Variants in FAM184A observed in about 807,000 individuals in gnomAD.
FAM184A encodes the protein protein FAM184A.
In FAM184A, 99 loss-of-function variants were observed where a neutral mutation model predicts 143.8. The observed-to-expected ratio is 0.69, with a 90% CI of 0.58 to 0.81. FAM184A has a LOEUF of 0.81. FAM184A is among the 40% of genes least tolerant of loss of function. FAM184A has a pLI of 0.00. For synonymous variants in FAM184A, 427 were observed against 446.4 expected, an observed-to-expected ratio of 0.96 and a Z score of 0.55; for missense variants, 1,217 against 1,310.5, an observed-to-expected ratio of 0.93 and a Z score of 1.10.
At chr6:118,994,587 G>C (rs1173318103) in intron 9 of FAM184A, among the ~76,000 whole-genome samples, 3 of 151,950 alleles carry the variant, frequency 2.0e-5, no homozygotes, top group Non-Finnish European at 4.4e-5. Context: ...TTGGGAGGCT[G>C]AGGCAGGAGA....
chr6:119,111,088 C>A (rs1428607983), intron 1 of FAM184A, among the ~76,000 whole-genome samples: 1 of 152,134 alleles, frequency 6.6e-6, no homozygotes, highest in Non-Finnish European at 1.5e-5. Flanking sequence ...TTCATAGCAA[C>A]ATTATTTATA....
chr6:119,138,594 TTATTATTA>T (rs1772100593), intron 1 of FAM184A, among the ~76,000 whole-genome samples: 1 of 90 alleles, frequency 0.011, no homozygotes, highest in Admixed American at 0.1. Context: ...GCTCTTTCAC[TTATTATTA>T]TTATTATTAT....
At chr6:119,036,188 A>G (rs1017250890) in intron 1 of FAM184A, among the ~76,000 whole-genome samples, 2 of 147,804 alleles carry the variant, frequency 1.4e-5, no homozygotes, top group African/African-American at 5.0e-5. Context: ...TAAATGATTC[A>G]CGTCTTTTTT....
At chr6:119,093,089 G>C (rs973433411) in intron 1 of FAM184A, among the ~76,000 whole-genome samples, 3 of 152,046 alleles carry the variant, frequency 2.0e-5, no homozygotes, top group African/African-American at 7.2e-5. Context: ...ACCCTAGAAG[G>C]CTCAATTCTG....
At chr6:119,076,174 A>G (rs1027761812) in intron 1 of FAM184A, among the ~76,000 whole-genome samples, 2 of 152,198 alleles carry the variant, frequency 1.3e-5, no homozygotes, top group African/African-American at 4.8e-5. Context: ...GCTGCCAAAC[A>G]TCCTATAATG....
intron 8 of FAM184A, 141 bp downstream of exon 8, chr6:119,003,360 C>A: frequency 2.4e-6 from 2 of 850,316 alleles, no homozygotes; most frequent in East Asian, 3.0e-5. Context: ...AAAATAAATC[C>A]AATTTCTCTG....
At chr6:119,076,321 A>G (rs1787870622) in intron 1 of FAM184A, among the ~76,000 whole-genome samples, 1 of 152,218 alleles carries the variant, frequency 6.6e-6, no homozygotes, top group Non-Finnish European at 1.5e-5. Context: ...GACTGTAACT[A>G]CAAACACAAA....
In FAM184A at chr6:119,090,000, A is replaced by C. The variant is rs558268929; in HGVS notation, c.-202+59078T>G. Among the ~76,000 whole-genome samples the C allele has an allele frequency of 2.5e-3, 386 of 152,288 alleles. 4 individuals are homozygous for C. The highest frequency in any genetic ancestry group is 8.6e-3 in the African/African-American group (359 of 41,566). The stretch of plus-strand genomic sequence containing the variant: ...ATTTTTAGTTAACTTCATTTTCTCA[A>C]CCAACACTATCATTAGCTTTTTCTC... On this transcript the variant is annotated intron_variant, in intron 1 of 16. Coordinates refer to the FAM184A transcript ENST00000352896.
At chr6:119,085,389 A>G (rs941382352) in intron 1 of FAM184A, among the ~76,000 whole-genome samples, 2 of 152,190 alleles carry the variant, frequency 1.3e-5, no homozygotes, top group African/African-American at 2.4e-5. Flanking sequence ...CAACCAAATT[A>G]TTTGCTAAGG....
intron 1 of FAM184A, among the ~76,000 whole-genome samples, chr6:119,107,144 T>C (rs565379489): frequency 6.6e-5 from 10 of 152,230 alleles, no homozygotes; most frequent in African/African-American, 1.9e-4. Flanking sequence ...ATAAGCTGCA[T>C]ATGAAAATAG....
At chr6:119,136,818 T>C (rs1048505719) in intron 1 of FAM184A, among the ~76,000 whole-genome samples, 4 of 152,214 alleles carry the variant, frequency 2.6e-5, no homozygotes, top group Non-Finnish European at 4.4e-5. Flanking sequence ...AAGAGAAAAG[T>C]ATGGCATAAT....
intron 9 of FAM184A, among the ~76,000 whole-genome samples, chr6:118,988,564 A>G (rs1466228434): frequency 6.6e-5 from 10 of 152,270 alleles, no homozygotes; most frequent in Non-Finnish European, 2.9e-5. Flanking sequence ...AACCGCCAAC[A>G]CTAACTTGAC....
intron 1 of FAM184A, among the ~76,000 whole-genome samples, chr6:119,077,850 T>C (rs887512432): frequency 4.6e-5 from 7 of 152,244 alleles, no homozygotes; most frequent in African/African-American, 1.4e-4. Flanking sequence ...GATTTAGTAT[T>C]GTGAAATAAA....
chr6:118,980,914 C>T (rs938749984), intron 9 of FAM184A, among the ~76,000 whole-genome samples: 3 of 152,280 alleles, frequency 2.0e-5, no homozygotes, highest in Middle Eastern at 3.4e-3. Flanking sequence ...AATTAAAAAC[C>T]TACTGTTTAA....
chr6:119,061,673 A>T (rs1245943322), intron 1 of FAM184A, among the ~76,000 whole-genome samples: 1 of 149,608 alleles, frequency 6.7e-6, no homozygotes, highest in African/African-American at 2.5e-5. Context: ...TAAAGTGAGG[A>T]GACTGAGTAA....
At chr6:119,120,262 T>C (rs1244760331) in intron 1 of FAM184A, among the ~76,000 whole-genome samples, 1 of 152,246 alleles carries the variant, frequency 6.6e-6, no homozygotes, top group Non-Finnish European at 1.5e-5. Context: ...AGTGACATCA[T>C]ACAATATATG....
intron 1 of FAM184A, among the ~76,000 whole-genome samples, chr6:119,086,526 G>T (rs1788227165): frequency 6.6e-6 from 1 of 152,180 alleles, no homozygotes; most frequent in African/African-American, 2.4e-5. Context: ...AAGCTCTAAG[G>T]ACGGTAAGGG....
intron 1 of FAM184A, among the ~76,000 whole-genome samples, chr6:119,098,138 T>C (rs1314663654): frequency 6.6e-6 from 1 of 152,216 alleles, no homozygotes; most frequent in Non-Finnish European, 1.5e-5. Context: ...CCCCATACTG[T>C]ACTCGTGGTA....
intron 9 of FAM184A, among the ~76,000 whole-genome samples, chr6:118,992,209 G>A (rs1463500972): frequency 6.6e-6 from 1 of 152,076 alleles, no homozygotes; most frequent in East Asian, 1.9e-4. Context: ...TGTTTACTAG[G>A]GAAGATGAAA....
Sources: gnomAD v4.1 joint callset for allele counts (sites outside exome capture counted in the v4.1 genomes callset) on GRCh38, gnomAD v4.1.1 for gene constraint, MANE v1.5 for transcripts, NCBI Gene and HGNC (gene_info 2026-07-23, HGNC 2026-07-21) for gene names.